LIMD1: variants seen among roughly 807,000 people sequenced by gnomAD.
The protein encoded by LIMD1 is LIM domain-containing protein 1.
LIMD1 carries 23 observed loss-of-function variants against 58.4 expected under a neutral mutation model. The ratio of observed to expected loss-of-function variants is 0.39; its 90% CI spans 0.28 to 0.56. The LOEUF is 0.56. LIMD1 is among the 20% of genes least tolerant of loss of function. The pLI, the probability that LIMD1 is intolerant of heterozygous loss-of-function variation, is 0.57. For missense variants in LIMD1, 838 were observed against 855.5 expected, an observed-to-expected ratio of 0.98 and a Z score of 0.25; for synonymous variants, 334 against 345.5, an observed-to-expected ratio of 0.97 and a Z score of 0.37.
At chr3:45,601,914 C>A (rs1350705088) in intron 1 of LIMD1, among the ~76,000 whole-genome samples, 1 of 151,806 alleles carries the variant, frequency 6.6e-6, no homozygotes, top group African/African-American at 2.4e-5. Flanking sequence ...GTTTTCCATG[C>A]CTTCTTCCCC....
At position 45,607,110 on chromosome 3, in the gene LIMD1, A is replaced by T. The variant is rs138342986; in HGVS notation, c.1408+10823A>T. 1.5e-3 allele frequency among the ~76,000 whole-genome samples: 236 copies of T among 152,298 alleles called. 1 individual carries two copies. Among genetic ancestry groups the T allele is most frequent in the African/African-American group, 5.3e-3 (219 of 41,568 alleles). On this transcript the variant is annotated intron_variant, in intron 1 of 7. Transcript: ENST00000273317. Reference sequence around the variant, plus strand: ...TGCCTGGCCTATAACCAAATTTTGGATGACACTGTCCTTAGAGTCCATCCA... The same window carrying T: ...TGCCTGGCCTATAACCAAATTTTGGTTGACACTGTCCTTAGAGTCCATCCA...
chr3:45,667,477 C>T (rs952850399), intron 3 of LIMD1, among the ~76,000 whole-genome samples: 2 of 151,452 alleles, frequency 1.3e-5, no homozygotes, highest in Non-Finnish European at 2.9e-5. Context: ...TTTTGTTTTT[C>T]CCAGCTTCCT....
At chr3:45,629,896 G>A (rs769537098) in intron 1 of LIMD1, among the ~76,000 whole-genome samples, 2 of 152,202 alleles carry the variant, frequency 1.3e-5, no homozygotes, top group Admixed American at 6.5e-5. Flanking sequence ...AGGGACAAGG[G>A]AACTTTTCCC....
rs899836798 is a variant in LIMD1 at position 45,680,731 on chromosome 3, C to G, written c.*3672C>G. The G allele has an allele frequency of 1.3e-5, 2 of 151,950 alleles. No homozygotes were observed. The highest frequency in any genetic ancestry group is 4.9e-5 in the African/African-American group (2 of 41,220). 9.4% of individuals were successfully genotyped at this position (151,950 alleles called of 1,614,324 possible). The stretch of plus-strand genomic sequence containing the variant: ...GGCACAGTGGCTCATGCCTGTAATC[C>G]CAGGCGCCGTGGCTCACGCCTGTAA... On this transcript the variant is annotated 3_prime_UTR_variant, in exon 8 of 8. Transcript: ENST00000273317.
intron 4 of LIMD1, among the ~76,000 whole-genome samples, chr3:45,672,418 G>C (rs1401545008): frequency 2.6e-5 from 4 of 152,082 alleles, no homozygotes; most frequent in Non-Finnish European, 4.4e-5. Flanking sequence ...TTCTGGGTGA[G>C]GGTTGGAAAG....
chr3:45,599,971 C>T (rs771990266), intron 1 of LIMD1, among the ~76,000 whole-genome samples: 1 of 152,160 alleles, frequency 6.6e-6, no homozygotes, highest in South Asian at 2.1e-4. Flanking sequence ...GTGTGGGGAC[C>T]ATGAAGAGAC....
At chr3:45,616,259 G>A (rs1224164497) in intron 1 of LIMD1, among the ~76,000 whole-genome samples, 2 of 152,148 alleles carry the variant, frequency 1.3e-5, no homozygotes, top group Non-Finnish European at 2.9e-5. Flanking sequence ...GCCCCCAACA[G>A]GGATCTCTTG....
chr3:45,628,336 C>A (rs1366319948), intron 1 of LIMD1, among the ~76,000 whole-genome samples: 1 of 151,986 alleles, frequency 6.6e-6, no homozygotes, highest in Non-Finnish European at 1.5e-5. Flanking sequence ...AGAAAAAAAA[C>A]AGGCAAAAGA....
At chr3:45,617,498 C>T (rs372154820) in intron 1 of LIMD1, among the ~76,000 whole-genome samples, 3 of 152,200 alleles carry the variant, frequency 2.0e-5, no homozygotes, top group Non-Finnish European at 2.9e-5. Context: ...ATTCCTCCCA[C>T]GCCAGGCTCA....
intron 1 of LIMD1, among the ~76,000 whole-genome samples, chr3:45,609,341 G>A (rs143582405): frequency 1.9e-3 from 289 of 152,282 alleles, no homozygotes; most frequent in African/African-American, 6.3e-3. Flanking sequence ...AATTTCAGTC[G>A]GTCAGCATAT....
intron 2 of LIMD1, among the ~76,000 whole-genome samples, chr3:45,648,336 A>T (rs1349938279): frequency 6.6e-6 from 1 of 152,202 alleles, no homozygotes; most frequent in Non-Finnish European, 1.5e-5. Flanking sequence ...GAATGAAATC[A>T]TACAATATAT....
At position 45,617,365 on chromosome 3, in the gene LIMD1, A is replaced by G. The variant is rs1354093108; in HGVS notation, c.1409-18785A>G. Among the ~76,000 whole-genome samples the G allele has an allele frequency of 2.6e-5, 4 of 152,074 alleles. No homozygotes were observed. The East Asian group carries it at 7.7e-4, about 29-fold the overall frequency. On this transcript the variant is annotated intron_variant, in intron 1 of 7. Coordinates refer to ENST00000273317, the MANE Select transcript of LIMD1 (RefSeq NM_014240.3). ...CCAGTCCAAGATAGTCTTAAAAAGC[A>G]ATGTTTTTGTCTTTTCTAAGAAAGG...
At position 45,684,613 on chromosome 3, in the gene LIMD1, G is replaced by A. The variant is rs145030728; in HGVS notation, c.*7554G>A. The A allele has an allele frequency of 2.2e-4, 33 of 152,324 alleles. 1 individual carries two copies. The highest frequency in any genetic ancestry group is 7.5e-4 in the African/African-American group (31 of 41,568). The allele number at this position is 152,324 out of a possible 1,614,324, so 9.4% of individuals were successfully genotyped here. On this transcript the variant is annotated 3_prime_UTR_variant, in exon 8 of 8. Transcript: ENST00000273317. ...GGAAGCAGACTGATATATAGAGGAG[G>A]GGGTTTGAAGAGGTGGTATTTGATT...
intron 4 of LIMD1, among the ~76,000 whole-genome samples, chr3:45,671,538 T>C (rs889144096): frequency 6.6e-6 from 1 of 152,226 alleles, no homozygotes; most frequent in Admixed American, 6.5e-5. Flanking sequence ...CTAAGTTTCA[T>C]GATGCAGGTA....
chr3:45,637,590 G>A (rs928919329), intron 2 of LIMD1, among the ~76,000 whole-genome samples: 2 of 152,194 alleles, frequency 1.3e-5, no homozygotes, highest in Non-Finnish European at 2.9e-5. Flanking sequence ...AGTGGGGCAA[G>A]TGTATTTTTT....
chr3:45,615,563 T>C lies in LIMD1; in HGVS notation c.1408+19276T>C, dbSNP rs182032452. Among the ~76,000 whole-genome samples, 26 of 152,098 alleles carry C rather than the reference T, an allele frequency of 1.7e-4. No homozygotes were observed. The East Asian group carries it at 4.6e-3, about 27-fold the overall frequency. On this transcript the variant is annotated intron_variant, in intron 1 of 7. Coordinates refer to ENST00000273317, the MANE Select transcript of LIMD1 (RefSeq NM_014240.3). ...TTGAGCCTGGGAAGTTGAGGCTGCCTGGGCCACATGGCAAAACCCCATCTC... is the reference window on the plus strand; with the variant it reads ...TTGAGCCTGGGAAGTTGAGGCTGCCCGGGCCACATGGCAAAACCCCATCTC...
intron 2 of LIMD1, among the ~76,000 whole-genome samples, chr3:45,648,944 C>T (rs1559522053): frequency 1.3e-5 from 2 of 152,090 alleles, no homozygotes; most frequent in Admixed American, 6.5e-5. Context: ...GAGTCTTAAT[C>T]GTTCTTTGTA....
intron 2 of LIMD1, among the ~76,000 whole-genome samples, chr3:45,643,913 G>A (rs1701874516): frequency 6.7e-6 from 1 of 149,952 alleles, no homozygotes; most frequent in Non-Finnish European, 1.5e-5. Context: ...GGTGTAAGAT[G>A]CACTGTGACC....
At chr3:45,631,020 A>G (rs1486360891) in intron 1 of LIMD1, among the ~76,000 whole-genome samples, 2 of 152,110 alleles carry the variant, frequency 1.3e-5, no homozygotes, top group East Asian at 3.9e-4. Flanking sequence ...CCTGGCCAGC[A>G]TGGAGAAACC....
Sources: gnomAD v4.1 joint callset for allele counts (sites outside exome capture counted in the v4.1 genomes callset) on GRCh38, gnomAD v4.1.1 for gene constraint, MANE v1.5 for transcripts, NCBI Gene and HGNC (gene_info 2026-07-23, HGNC 2026-07-21) for gene names.